Variants in ANKS1B observed in about 807,000 individuals in gnomAD.
The protein encoded by ANKS1B is ankyrin repeat and sterile alpha motif domain containing 1B.
Under a neutral mutation model 148.3 loss-of-function variants are expected in ANKS1B, and 36 were observed. That is an observed-to-expected ratio of 0.24 (90% CI 0.19 to 0.32). The LOEUF (loss-of-function observed/expected upper bound fraction) is 0.32, where lower values mean the gene tolerates loss of function less well. ANKS1B is among the 10% of genes least tolerant of loss of function. The pLI, the probability that ANKS1B is intolerant of heterozygous loss-of-function variation, is 1.00. For synonymous variants in ANKS1B, 542 were observed against 560.8 expected, an observed-to-expected ratio of 0.97 and a Z score of 0.47; for missense variants, 1,157 against 1,542.6, an observed-to-expected ratio of 0.75 and a Z score of 4.19.
chr12:99,406,808 A>G (rs2094542303), intron 11 of ANKS1B, among the ~76,000 whole-genome samples: 1 of 146,126 alleles, frequency 6.8e-6, no homozygotes, highest in Admixed American at 6.8e-5. Flanking sequence ...AGTAAATAAA[A>G]TGAGAGAAGA....
chr12:98,819,894 G>A (rs566943515), intron 19 of ANKS1B, among the ~76,000 whole-genome samples: 113 of 152,286 alleles, frequency 7.4e-4, no homozygotes, highest in African/African-American at 2.6e-3. Flanking sequence ...GGCCCATACA[G>A]AAAGGAGGTC....
Position 99,627,864 on chromosome 12 carries a change from A to C in ANKS1B, c.1272+27203T>G, listed in dbSNP as rs371442549. On this transcript the variant is annotated intron_variant, in intron 9 of 26. Coordinates refer to ENST00000683438, the MANE Select transcript of ANKS1B (RefSeq NM_001352186.2). The stretch of plus-strand genomic sequence containing the variant: ...GGATTAAATAAGACTTTAGGAAGGA[A>C]ATGGACCTTAAAGTTTATAAAATTA... Among the ~76,000 whole-genome samples, 28 of 152,270 alleles carry C rather than the reference A, an allele frequency of 1.8e-4. No homozygotes were observed. In the East Asian group the frequency reaches 4.6e-3, roughly 25 times the overall value.
chr12:99,335,199 A>T (rs552899274), intron 12 of ANKS1B, among the ~76,000 whole-genome samples: 310 of 151,260 alleles, frequency 2.0e-3, no homozygotes, highest in South Asian at 3.8e-3. Context: ...AGCTTTTAAA[A>T]TTTTTTTCAT....
intron 9 of ANKS1B, chr12:98,735,651 T>G (rs754525727): frequency 1.3e-6 from 1 of 760,228 alleles, no homozygotes; most frequent in African/African-American, 1.7e-5. Flanking sequence ...AAAAGAGAAT[T>G]CATTTATTTA....
chr12:99,975,639 T>C (rs1020644230), intron 1 of ANKS1B, among the ~76,000 whole-genome samples: 2 of 152,232 alleles, frequency 1.3e-5, no homozygotes, highest in African/African-American at 4.8e-5. Flanking sequence ...TGTCTGTTCA[T>C]GTACTTTACT....
chr12:99,972,705 A>C (rs572658077), intron 1 of ANKS1B, among the ~76,000 whole-genome samples: 1 of 152,348 alleles, frequency 6.6e-6, no homozygotes, highest in South Asian at 2.1e-4. Flanking sequence ...GATCTAGCTA[A>C]GATAATTGAT....
chr12:99,648,357 C>T lies in ANKS1B; in HGVS notation c.1272+6710G>A, dbSNP rs141205945. The T allele has an allele frequency of 3.0e-4, 486 of 1,614,190 alleles. 3 individuals are homozygous for T. In the East Asian group the frequency reaches 0.01, roughly 34 times the overall value. ...TCAGCAAAAGAGGAGAAGTGATTGACGTGCACAACCGTGCCCGAATGGTAA... is the reference window on the plus strand; with the variant it reads ...TCAGCAAAAGAGGAGAAGTGATTGATGTGCACAACCGTGCCCGAATGGTAA... On this transcript the variant is annotated intron_variant, in intron 9 of 26. Transcript: ENST00000683438.
chr12:99,193,934 C>T (rs145939239), intron 14 of ANKS1B, among the ~76,000 whole-genome samples: 2,084 of 150,706 alleles, frequency 0.014, 48 homozygotes, highest in African/African-American at 0.048. Flanking sequence ...CCTGAGTAGC[C>T]GGGACTATAG....
chr12:99,280,649 A>T (rs140413652), intron 12 of ANKS1B, among the ~76,000 whole-genome samples: 6 of 152,210 alleles, frequency 3.9e-5, no homozygotes, highest in African/African-American at 1.4e-4. Context: ...TCAGTTGAAG[A>T]CTAACTAGAA....
chr12:99,819,421 T>A (rs1009281541), intron 2 of ANKS1B, among the ~76,000 whole-genome samples: 2 of 151,832 alleles, frequency 1.3e-5, no homozygotes, highest in Non-Finnish European at 3.0e-5. Context: ...ATGCCTCTTT[T>A]ATTAGAAAAC....
chr12:98,900,253 C>G (rs1168934713), intron 17 of ANKS1B, among the ~76,000 whole-genome samples: 2 of 152,082 alleles, frequency 1.3e-5, no homozygotes, highest in Non-Finnish European at 2.9e-5. Context: ...TGATAACTGC[C>G]TTGAGATTCT....
chr12:98,745,485 G>T lies in ANKS1B; in HGVS notation c.*254C>A, dbSNP rs765894682. On this transcript the variant is annotated 3_prime_UTR_variant, in exon 27 of 27. Coordinates refer to ENST00000683438, the MANE Select transcript of ANKS1B (RefSeq NM_001352186.2). The stretch of plus-strand genomic sequence containing the variant: ...AAATACCTTGGGAGGTGGTGGGGAG[G>T]GGAGTCGGGAGCATCAGGGAAAACC... 2.7e-5 allele frequency: 32 copies of T among 1,164,240 alleles called. No homozygotes were observed. Among genetic ancestry groups the T allele is most frequent in the South Asian group, 5.5e-5 (2 of 36,232 alleles). The allele number at this position is 1,164,240 out of a possible 1,614,324, so 72.1% of individuals were successfully genotyped here. A position where few individuals can be genotyped will look rare whatever the true frequency, so the allele number is the denominator to read the frequency against.
intron 12 of ANKS1B, among the ~76,000 whole-genome samples, chr12:99,335,444 T>A (rs925338821): frequency 2.7e-5 from 4 of 149,316 alleles, no homozygotes; most frequent in African/African-American, 1.0e-4. Flanking sequence ...AAATACTAGA[T>A]CCTATTCATT....
At chr12:99,951,267 C>G (rs1346401127) in intron 1 of ANKS1B, among the ~76,000 whole-genome samples, 3 of 152,174 alleles carry the variant, frequency 2.0e-5, no homozygotes, top group Non-Finnish European at 4.4e-5. Flanking sequence ...GTGCTAGATA[C>G]TTGGGCAGCC....
chr12:99,549,509 C>A (rs1386670501), intron 9 of ANKS1B, among the ~76,000 whole-genome samples: 1 of 152,144 alleles, frequency 6.6e-6, no homozygotes, highest in Non-Finnish European at 1.5e-5. Context: ...TCCTTCTTCT[C>A]TCCCTCACTC....
chr12:99,148,931 A>G (rs997609352), intron 15 of ANKS1B, among the ~76,000 whole-genome samples: 2 of 152,056 alleles, frequency 1.3e-5, no homozygotes, highest in Admixed American at 1.3e-4. Context: ...AAGGCCACCC[A>G]CTCAACTCTG....
At chr12:99,251,871 A>G (rs2074645749) in intron 12 of ANKS1B, among the ~76,000 whole-genome samples, 1 of 152,226 alleles carries the variant, frequency 6.6e-6, no homozygotes, top group South Asian at 2.1e-4. Flanking sequence ...CTGTGAATTT[A>G]TTTCACAAAT....
chr12:98,934,182 G>T (rs1027077098), intron 17 of ANKS1B, among the ~76,000 whole-genome samples: 1 of 151,982 alleles, frequency 6.6e-6, no homozygotes, highest in Admixed American at 6.6e-5. Context: ...TTTTGTGTAT[G>T]CCATAAGGTC....
At chr12:99,901,971 C>A (rs1022945110) in intron 1 of ANKS1B, among the ~76,000 whole-genome samples, 1 of 152,148 alleles carries the variant, frequency 6.6e-6, no homozygotes, top group East Asian at 1.9e-4. Context: ...ATGATCCATG[C>A]TTGTGCAAGT....
Sources: gnomAD v4.1 joint callset for allele counts (sites outside exome capture counted in the v4.1 genomes callset) on GRCh38, gnomAD v4.1.1 for gene constraint, MANE v1.5 for transcripts, NCBI Gene and HGNC (gene_info 2026-07-23, HGNC 2026-07-21) for gene names.